Variants in FDFT1 observed in about 807,000 individuals in gnomAD.
The protein encoded by FDFT1 is squalene synthase.
FDFT1 carries 68 observed loss-of-function variants against 46.8 expected under a neutral mutation model. The observed-to-expected ratio is 1.45, with a 90% CI of 1.19 to 1.78. The LOEUF is 1.78. Ranked by LOEUF, FDFT1 falls within the 40% of genes most tolerant of loss-of-function variation. The pLI, the probability that FDFT1 is intolerant of heterozygous loss-of-function variation, is 0.00. For missense variants in FDFT1, 928 were observed against 524.4 expected (o/e 1.77, Z -7.52); for synonymous variants, 351 against 185.1 (o/e 1.90, Z -7.28).
intron 5 of FDFT1, among the ~76,000 whole-genome samples, chr8:11,829,332 C>T (rs961121500): frequency 6.6e-6 from 1 of 152,168 alleles, no homozygotes; most frequent in Non-Finnish European, 1.5e-5. Flanking sequence ...TTCAGAGAAT[C>T]CTCTAAATAA....
At chr8:11,831,470 C>G (rs749335113) in intron 6 of FDFT1, 48 bp from the exon 7 acceptor site, 2 of 1,565,578 alleles carry the variant, frequency 1.3e-6, no homozygotes, top group Admixed American at 1.7e-5. Context: ...ATAATGATAG[C>G]TAACGACATC....
intron 3 of FDFT1, among the ~76,000 whole-genome samples, chr8:11,810,219 C>G (rs1164889697): frequency 6.6e-6 from 1 of 152,210 alleles, no homozygotes; most frequent in South Asian, 2.1e-4. Flanking sequence ...TCCAGTGTTT[C>G]TTCCTGTGGG....
chr8:11,820,226 G>A (rs970608221), intron 3 of FDFT1, among the ~76,000 whole-genome samples: 1 of 152,110 alleles, frequency 6.6e-6, no homozygotes, highest in Non-Finnish European at 1.5e-5. Flanking sequence ...CTTCGTCCAA[G>A]AAGGACACCC....
Position 11,821,424 on chromosome 8 carries a change from C to T in FDFT1, c.382-326C>T, listed in dbSNP as rs190080348. Among the ~76,000 whole-genome samples, 718 of 152,280 alleles carry T rather than the reference C, an allele frequency of 4.7e-3. 2 individuals carry two copies. The highest frequency in any genetic ancestry group is 7.3e-3 in the Non-Finnish European group (497 of 68,032). On this transcript the variant is annotated intron_variant, in intron 3 of 7. Transcript: ENST00000220584. ...TGGCCAACATGGTGAAACCCCACTT[C>T]TACTAAAAATATAAAAATTAGCTGG... is the stretch of plus-strand genomic sequence containing the variant.
At chr8:11,818,510 G>A (rs1017894652) in intron 3 of FDFT1, among the ~76,000 whole-genome samples, 1 of 152,130 alleles carries the variant, frequency 6.6e-6, no homozygotes, top group Non-Finnish European at 1.5e-5. Context: ...CTTTTTCTAG[G>A]TCTCTAAGGA....
At chr8:11,829,899 G>T (rs530602253) in intron 5 of FDFT1, among the ~76,000 whole-genome samples, 41 of 148,160 alleles carry the variant, frequency 2.8e-4, no homozygotes, top group Non-Finnish European at 4.9e-4. Flanking sequence ...CCAGGCTGGA[G>T]TGCAATGGCG....
intron 4 of FDFT1, among the ~76,000 whole-genome samples, chr8:11,822,929 A>G (rs1809461143): frequency 6.6e-6 from 1 of 152,252 alleles, no homozygotes; most frequent in African/African-American, 2.4e-5. Flanking sequence ...AGGTTGTTGA[A>G]TAGAAGTTTT....
chr8:11,810,062 T>TA, intron 3 of FDFT1: 1 of 522,130 alleles, frequency 1.9e-6, no homozygotes, highest in Non-Finnish European at 3.4e-6. Flanking sequence ...GTTGGTTACT[T>TA]ACAAAGACTC....
At chr8:11,805,863 T>C (rs978692706) in intron 1 of FDFT1, among the ~76,000 whole-genome samples, 4 of 152,206 alleles carry the variant, frequency 2.6e-5, no homozygotes, top group African/African-American at 9.6e-5. Flanking sequence ...TTGCCACAGA[T>C]GTTTCAGTGG....
chr8:11,817,892 C>A (rs1808681748), intron 3 of FDFT1, among the ~76,000 whole-genome samples: 1 of 151,304 alleles, frequency 6.6e-6, no homozygotes, highest in Non-Finnish European at 1.5e-5. Context: ...TTATTTCTTG[C>A]CTTTTACTAG....
chr8:11,830,811 C>A (rs574310598), intron 6 of FDFT1, among the ~76,000 whole-genome samples: 1 of 152,118 alleles, frequency 6.6e-6, no homozygotes, highest in Non-Finnish European at 1.5e-5. Flanking sequence ...TTCCTAGACC[C>A]GGCATAAAAA....
chr8:11,809,324 G>A, intron 2 of FDFT1: 2 of 1,092,208 alleles, frequency 1.8e-6, no homozygotes, highest in Non-Finnish European at 2.2e-6. Flanking sequence ...AGAAGTTACT[G>A]TGTTTTTTGA....
At chr8:11,827,618 A>G (rs945650431) in intron 5 of FDFT1, among the ~76,000 whole-genome samples, 4 of 152,086 alleles carry the variant, frequency 2.6e-5, no homozygotes, top group African/African-American at 9.7e-5. Flanking sequence ...AAGTTAAGAA[A>G]AAGGCCAACT....
chr8:11,831,316 T>C (rs1810749145), intron 6 of FDFT1, among the ~76,000 whole-genome samples: 1 of 152,194 alleles, frequency 6.6e-6, no homozygotes, highest in African/African-American at 2.4e-5. Flanking sequence ...CTTAATTCTG[T>C]GTGTTGTTGA....
At chr8:11,803,047 C>A in intron 1 of FDFT1, 116 bp downstream of exon 1, 1 of 1,467,570 alleles carries the variant, frequency 6.8e-7, no homozygotes. Flanking sequence ...AGGGCCGACG[C>A]CTGGGTGTTC....
intron 3 of FDFT1, among the ~76,000 whole-genome samples, chr8:11,817,388 TG>T (rs200518989): frequency 0.058 from 8,787 of 152,294 alleles, 363 homozygotes; most frequent in Middle Eastern, 0.11. Context: ...CCTCATAAAA[TG>T]AGTTAGGGAG....
At chr8:11,826,658 T>C (rs891583567) in intron 5 of FDFT1, among the ~76,000 whole-genome samples, 2 of 152,044 alleles carry the variant, frequency 1.3e-5, no homozygotes, top group African/African-American at 4.8e-5. Flanking sequence ...TACTAAAAAA[T>C]ACAAAAATTA....
chr8:11,838,508 A>G lies in FDFT1; in HGVS notation c.1153A>G (p.Ile385Val), dbSNP rs1256408948. ...QLISRSHYSP[I>V]YLSFVMLLAA... ...GATTTCCCGAAGCCACTACTCCCCC[A>G]TCTACCTGTCGTTTGTCATGCTTTT... Residue 385 changes from isoleucine to valine, a missense_variant, in exon 8 of 8, where the codon ATC becomes GTC. By Grantham distance (29) the Ile-to-Val change is conservative (BLOSUM62 3). Coordinates refer to ENST00000220584, the MANE Select transcript of FDFT1 (RefSeq NM_004462.5). The G allele has an allele frequency of 6.2e-7, 1 of 1,608,336 alleles. No homozygotes were observed. Among genetic ancestry groups the G allele is most frequent in the African/African-American group, 1.3e-5 (1 of 74,704 alleles).
chr8:11,830,542 A>G (rs1810634452), intron 6 of FDFT1, 122 bp downstream of exon 6: 1 of 708,932 alleles, frequency 1.4e-6, no homozygotes, highest in East Asian at 2.6e-5. Context: ...ACTCCAGTTT[A>G]TTACGCTGGG....
Sources: allele counts gnomAD v4.1 joint callset (sites outside exome capture counted in the v4.1 genomes callset), GRCh38; gene constraint gnomAD v4.1.1; transcripts MANE v1.5; gene names NCBI Gene and HGNC (gene_info 2026-07-23, HGNC 2026-07-21).